The following MDN1 variants were observed in gnomAD, a reference collection of about 807,000 sequenced individuals.
MDN1 encodes midasin.
Under a neutral mutation model 669.2 loss-of-function variants are expected in MDN1, and 266 were observed. The observed-to-expected ratio is 0.40, with a 90% CI of 0.36 to 0.44. MDN1 has a LOEUF of 0.44. Ranked by LOEUF, MDN1 falls within the 20% of genes least tolerant of loss-of-function variation. The pLI, the probability that MDN1 is intolerant of heterozygous loss-of-function variation, is 1.00. For synonymous variants in MDN1, 2,385 were observed against 2,457.1 expected, an observed-to-expected ratio of 0.97 and a Z score of 0.87; for missense variants, 5,940 against 6,754.0, an observed-to-expected ratio of 0.88 and a Z score of 4.22.
intron 40 of MDN1, among the ~76,000 whole-genome samples, chr6:89,722,546 A>G (rs1031742739): frequency 6.6e-6 from 1 of 152,214 alleles, no homozygotes; most frequent in Non-Finnish European, 1.5e-5. Context: ...TAAATTTTGA[A>G]GCAGCTTTAA....
In MDN1 at chr6:89,718,419, A is replaced by AC. The variant is rs1455943331; in HGVS notation, c.6529dup (p.Val2177GlyfsTer11). 1 of 1,614,134 alleles carries AC rather than the reference A, an allele frequency of 6.2e-7. No homozygotes were observed. The highest frequency in any genetic ancestry group is 1.7e-5 in the Admixed American group (1 of 60,022). ...GTTGAGTCGCTGCATAAGCAATAAC[A>AC]CTGCTTCTAGTTTGTTGACAATCTC... On this transcript the variant is annotated frameshift_variant, in exon 43 of 102. Coordinates refer to ENST00000369393, the MANE Select transcript of MDN1 (RefSeq NM_014611.3). LOFTEE classifies it high-confidence loss of function.
rs1228807577 is a variant in MDN1 at position 89,801,772 on chromosome 6, C to A, written c.329+1556G>T. ...TTGTGCCACTGCACTCCAGACTGGG[C>A]GACAAAGTCAGACCCTGTCTCAGAA... On this transcript the variant is annotated intron_variant, in intron 2 of 101. Coordinates refer to ENST00000369393, the MANE Select transcript of MDN1 (RefSeq NM_014611.3). 3.4e-5 allele frequency among the ~76,000 whole-genome samples: 5 copies of A among 148,866 alleles called. No homozygotes were observed. In the Admixed American group the frequency reaches 3.4e-4, roughly 10 times the overall value.
intron 46 of MDN1, among the ~76,000 whole-genome samples, chr6:89,714,038 CA>C (rs568289123): frequency 3.3e-5 from 3 of 91,910 alleles, no homozygotes; most frequent in Non-Finnish European, 6.6e-5. Flanking sequence ...GACTCTGTCT[CA>C]AAAAAAAAGA....
chr6:89,725,909 G>A (rs1815194176), intron 37 of MDN1, among the ~76,000 whole-genome samples: 1 of 147,350 alleles, frequency 6.8e-6, no homozygotes, highest in East Asian at 2.0e-4. Context: ...ATGTATGTTA[G>A]AGATTTTGTC....
rs778705375 is a variant in MDN1, at chr6:89,644,167, C to T, written c.16629G>A (p.Pro5543=). ...SRDSILDIKV[P]IFKGPGEMPE... ...GCATCTCTCCAGGTCCTTTAAATAT[C>T]GGTACTTTAATGTCCAAGATAGAAT... Residue 5543 remains proline, a synonymous_variant, in exon 102 of 102, where the codon CCG becomes CCA. Transcript: ENST00000369393. 11 of 1,612,440 alleles carry T rather than the reference C, an allele frequency of 6.8e-6. No individual in the cohort carries two copies. The highest frequency in any genetic ancestry group is 5.0e-5 in the Admixed American group (3 of 59,612).
Position 89,685,962 on chromosome 6 carries a change from T to C in MDN1, c.11584A>G (p.Met3862Val), listed in dbSNP as rs1458903693. Residue 3862 changes from methionine to valine, a missense_variant, in exon 70 of 102, where the codon ATG (methionine) becomes GTG (valine). This residue lies in a region of MDN1 where 2,280 missense variants were observed against 2,576.3 expected (regional missense o/e 0.88). Coordinates refer to ENST00000369393, the MANE Select transcript of MDN1 (RefSeq NM_014611.3). ...QTEEQEDDKQMTLMLLVSTLQ... is the reference protein window; with the variant it reads ...QTEEQEDDKQVTLMLLVSTLQ... The stretch of plus-strand genomic sequence containing the variant: ...GTGCTGACCAGCAACATCAAGGTCA[T>C]CTGTTTGTCATCTTTAAAAATTCAA... 1 of 1,610,696 alleles carries C rather than the reference T, an allele frequency of 6.2e-7. No homozygotes were observed. Among genetic ancestry groups the C allele is most frequent in the African/African-American group, 1.3e-5 (1 of 74,710 alleles).
chr6:89,712,392 A>G, intron 48 of MDN1, 136 bp from the exon 49 acceptor site: 1 of 997,422 alleles, frequency 1.0e-6, no homozygotes, highest in East Asian at 2.5e-5. Context: ...CAGAGGAAGA[A>G]AGTTAAAACA....
intron 30 of MDN1, 57 bp downstream of exon 30, chr6:89,743,519 C>A: frequency 6.3e-7 from 1 of 1,575,202 alleles, no homozygotes; most frequent in South Asian, 1.2e-5. Flanking sequence ...ACCACTAACT[C>A]ATGCACAGCT....
Position 89,761,703 on chromosome 6 carries a change from T to C in MDN1, c.2402A>G (p.Asn801Ser), listed in dbSNP as rs778162302. The C allele has an allele frequency of 1.2e-6, 2 of 1,612,768 alleles. No homozygotes were observed. The highest frequency in any genetic ancestry group is 1.3e-5 in the African/African-American group (1 of 74,902). The change falls in exon 17 of 102, where the codon AAC (asparagine) becomes AGC (serine). Residue 801 changes from asparagine (N) to serine (S), a missense_variant. This residue lies in a region of MDN1 where 1,203 missense variants were observed against 1,268.9 expected (regional missense o/e 0.95). Coordinates refer to ENST00000369393, the MANE Select transcript of MDN1 (RefSeq NM_014611.3). ...EKWEAFGLRL[N>S]HAQQQMKMTE... The stretch of plus-strand genomic sequence containing the variant: ...CATTTTCATCTGTTGTTGGGCATGG[T>C]TGAGTCTAAGACCAAATGCTTCCCA...
chr6:89,784,973 G>A (rs751472095), intron 9 of MDN1, 39 bp downstream of exon 9: 17 of 1,350,496 alleles, frequency 1.3e-5, no homozygotes, highest in South Asian at 5.9e-5. Flanking sequence ...GGGAGCCACT[G>A]CACCTGGCCA....
Position 89,729,192 on chromosome 6 carries a change from T to TGTATGCATCAACTC in MDN1, c.5141-67_5141-54dup. 5 of 1,413,758 alleles carry TGTATGCATCAACTC rather than the reference T, an allele frequency of 3.5e-6. No homozygotes were observed. The East Asian group carries it at 1.2e-4, about 33-fold the overall frequency. The allele number at this position is 1,413,758 out of a possible 1,614,324, so 87.6% of individuals were successfully genotyped here. A position where few individuals can be genotyped will look rare whatever the true frequency, so the allele number is the denominator to read the frequency against. ...ATAAGCGGGACATCATCAAATCACA[T>TGTATGCATCAACTC]GTATGCATCAACTCAAGATTTTAAA... is the stretch of plus-strand genomic sequence containing the variant. On this transcript the variant is annotated intron_variant, in intron 35 of 101. Coordinates refer to ENST00000369393, the MANE Select transcript of MDN1 (RefSeq NM_014611.3).
Position 89,749,292 on chromosome 6 carries a change from G to C in MDN1, c.3693C>G (p.Ile1231Met). ...GTGGCAAACTACACCGCTTGTGCAAGATTGTTTCCAACTCGGAGCTAGGTA... is the reference window on the plus strand; with the variant it reads ...GTGGCAAACTACACCGCTTGTGCAACATTGTTTCCAACTCGGAGCTAGGTA... ...DELPSSELETILHKRCSLPPS... is the reference protein window; with the variant it reads ...DELPSSELETMLHKRCSLPPS... Residue 1231 changes from isoleucine to methionine, a missense_variant, in exon 26 of 102, where the codon ATC (isoleucine) becomes ATG (methionine). Transcript: ENST00000369393. 6.2e-7 allele frequency: 1 copy of C among 1,614,106 alleles called. No homozygotes were observed.
intron 46 of MDN1, among the ~76,000 whole-genome samples, chr6:89,713,807 G>C (rs1814123702): frequency 6.6e-6 from 1 of 152,064 alleles, no homozygotes; most frequent in Non-Finnish European, 1.5e-5. Flanking sequence ...CCAGCACTTT[G>C]GGAGGCCTAG....
chr6:89,702,653 T>G (rs1185785987), intron 53 of MDN1, among the ~76,000 whole-genome samples: 3 of 152,206 alleles, frequency 2.0e-5, no homozygotes, highest in African/African-American at 7.2e-5. Flanking sequence ...TTATAGCTAG[T>G]TTATGGAATT....
chr6:89,657,437 A>C (rs764773685), intron 90 of MDN1, among the ~76,000 whole-genome samples: 16 of 152,238 alleles, frequency 1.1e-4, no homozygotes, highest in Admixed American at 6.5e-5. Flanking sequence ...CAGCAACCTG[A>C]ATTGTGGCCA....
chr6:89,765,758 T>C (rs1206600904), intron 15 of MDN1, among the ~76,000 whole-genome samples: 2 of 152,216 alleles, frequency 1.3e-5, no homozygotes, highest in Non-Finnish European at 1.5e-5. Context: ...GACTTATCTC[T>C]CTTTGCCTCA....
rs762210871 is a variant in MDN1 at position 89,789,889 on chromosome 6, C to G, written c.1121G>C (p.Cys374Ser). ...CACAAACTCTCCAGGAACATCTGTG[C>G]AGCGATACATCCCCAAAAGCATCTG... is the stretch of plus-strand genomic sequence containing the variant. ...DSKMLLGMYR[C>S]TDVPGEFVWQ... Residue 374 changes from cysteine (C) to serine (S), a missense_variant, in exon 7 of 102, where the codon TGC becomes TCC. Transcript: ENST00000369393. 74 of 1,612,262 alleles carry G rather than the reference C, an allele frequency of 4.6e-5. No individual in the cohort carries two copies. In the South Asian group the frequency reaches 6.4e-4, roughly 14 times the overall value.
In MDN1 at chr6:89,712,097, C is replaced by A. The variant is rs763315333; in HGVS notation, c.7590G>T (p.Gln2530His). The change falls in exon 49 of 102, where the codon CAG (glutamine) becomes CAT (histidine). Residue 2530 changes from glutamine to histidine, a missense_variant. By Grantham distance (24) the Gln-to-His change is conservative. Around this residue, in one of 5 missense-constraint regions of MDN1, gnomAD observed 2,292 missense variants for 2,638.3 expected, o/e 0.87. Coordinates refer to ENST00000369393, the MANE Select transcript of MDN1 (RefSeq NM_014611.3). Reference protein sequence around the residue: ...VKLLIERATNQDWMLRVKWLY... With the variant: ...VKLLIERATNHDWMLRVKWLY... ...GCCATTTAACTCTGAGCATCCAATC[C>A]TGATTGGTTGCTCTTTCTATGAGCA... The A allele has an allele frequency of 2.5e-6, 4 of 1,614,152 alleles. No homozygotes were observed. In the South Asian group the frequency reaches 3.3e-5, roughly 13 times the overall value.
Position 89,693,011 on chromosome 6 carries a change from G to A in MDN1, c.10019C>T (p.Ala3340Val), listed in dbSNP as rs553166976. 62 of 1,614,236 alleles carry A rather than the reference G, an allele frequency of 3.8e-5. No homozygotes were observed. The East Asian group carries it at 1.2e-3, about 32-fold the overall frequency. ...TGTGAGCAGATCCTGAACAGCAGGG[G>A]CCTTGGCGATGCTGGTGACGTAGTG... ...IHHYVTSIAKAPAVQDLLTRL... is the reference protein window; with the variant it reads ...IHHYVTSIAKVPAVQDLLTRL... Residue 3340 changes from alanine to valine, a missense_variant, in exon 63 of 102, where the codon GCC becomes GTC. Physicochemically the swap from Ala to Val is moderately conservative, Grantham distance 64 (BLOSUM62 0). Transcript: ENST00000369393.
Sources: allele counts gnomAD v4.1 joint callset (sites outside exome capture counted in the v4.1 genomes callset), GRCh38; gene constraint gnomAD v4.1.1; regional missense constraint gnomAD v4.1.1; transcripts MANE v1.5; gene names NCBI Gene and HGNC (gene_info 2026-07-23, HGNC 2026-07-21).